Variants in ZBTB20 observed in about 807,000 individuals in gnomAD.
ZBTB20 encodes zinc finger and BTB domain-containing protein 20.
A neutral mutation model predicts 56.9 loss-of-function variants in ZBTB20; 9 were observed. The observed-to-expected ratio is 0.16, with a 90% CI of 0.10 to 0.28. The LOEUF (loss-of-function observed/expected upper bound fraction) is 0.28. Among genes scored for constraint, ZBTB20 ranks in the 10% least tolerant of loss-of-function variants. The pLI is 1.00. For missense variants in ZBTB20, 655 were observed against 1,003.0 expected (o/e 0.65, Z 4.69); for synonymous variants, 417 against 420.7 (o/e 0.99, Z 0.11).
At position 114,515,706 on chromosome 3, in the gene ZBTB20, C is replaced by T. The variant is rs542470670; in HGVS notation, c.-294-15315G>A. Among the ~76,000 whole-genome samples, 5 of 152,220 alleles carry T rather than the reference C, an allele frequency of 3.3e-5. No homozygotes were observed. The South Asian group carries it at 6.2e-4, about 19-fold the overall frequency. ...ACTCCACCTTTGCCACCAATGAATC[C>T]GCCTGTAACATTTCAGAGATCTTTC... is the stretch of plus-strand genomic sequence containing the variant. On this transcript the variant is annotated intron_variant, in intron 6 of 11. Coordinates refer to ENST00000675478, the MANE Select transcript of ZBTB20 (RefSeq NM_001348800.3).
At chr3:115,116,447 A>T (rs1041945458) in intron 1 of ZBTB20, among the ~76,000 whole-genome samples, 12 of 152,044 alleles carry the variant, frequency 7.9e-5, no homozygotes, top group African/African-American at 2.9e-4. Context: ...CTCAGATTTT[A>T]AAAATATTTA....
chr3:114,365,818 T>C (rs1160786709), intron 10 of ZBTB20, among the ~76,000 whole-genome samples: 1 of 152,200 alleles, frequency 6.6e-6, no homozygotes, highest in Non-Finnish European at 1.5e-5. Context: ...ATATTGCTAT[T>C]AGAATTAAAA....
chr3:114,666,071 C>T (rs1000360071), intron 6 of ZBTB20, among the ~76,000 whole-genome samples: 5 of 151,934 alleles, frequency 3.3e-5, no homozygotes, highest in Non-Finnish European at 5.9e-5. Context: ...CTCTGATTTT[C>T]GCTGGGGGTT....
intron 6 of ZBTB20, among the ~76,000 whole-genome samples, chr3:114,650,437 T>A (rs2060070072): frequency 6.7e-6 from 1 of 148,788 alleles, no homozygotes; most frequent in African/African-American, 2.6e-5. Flanking sequence ...ATCCCTAGAT[T>A]AAGAAATATT....
At chr3:114,777,773 C>G (rs2069717724) in intron 5 of ZBTB20, among the ~76,000 whole-genome samples, 1 of 152,052 alleles carries the variant, frequency 6.6e-6, no homozygotes, top group Admixed American at 6.5e-5. Flanking sequence ...ATAAATCATG[C>G]TGCTATAAAG....
chr3:114,480,893 T>C (rs1442263747), intron 7 of ZBTB20, among the ~76,000 whole-genome samples: 1 of 151,888 alleles, frequency 6.6e-6, no homozygotes, highest in African/African-American at 2.4e-5. Flanking sequence ...TTTCAAACAA[T>C]GGAAAGAACA....
intron 6 of ZBTB20, among the ~76,000 whole-genome samples, chr3:114,530,054 A>G (rs2047667772): frequency 6.6e-6 from 1 of 152,228 alleles, no homozygotes; most frequent in Admixed American, 6.5e-5. Flanking sequence ...ATGCCTAGTG[A>G]TGTCATAGTG....
chr3:114,908,428 G>A (rs2075400368), intron 3 of ZBTB20, among the ~76,000 whole-genome samples: 1 of 151,924 alleles, frequency 6.6e-6, no homozygotes, highest in Non-Finnish European at 1.5e-5. Context: ...AGAAATTTAG[G>A]GGTACAAATA....
At chr3:114,904,092 A>G (rs1209497405) in intron 3 of ZBTB20, among the ~76,000 whole-genome samples, 1 of 152,048 alleles carries the variant, frequency 6.6e-6, no homozygotes, top group East Asian at 1.9e-4. Flanking sequence ...TATTAGCACC[A>G]TTCCAGATGC....
Position 114,326,954 on chromosome 3 carries a change from T to C in ZBTB20, c.*12051A>G, listed in dbSNP as rs1274436363. 6.6e-6 allele frequency: 1 copy of C among 152,118 alleles called. No individual in the cohort carries two copies. The highest frequency in any genetic ancestry group is 2.4e-5 in the African/African-American group (1 of 41,422). 9.4% of individuals were successfully genotyped at this position (152,118 alleles called of 1,614,324 possible). A position where few individuals can be genotyped will look rare whatever the true frequency, so the allele number is the denominator to read the frequency against. On this transcript the variant is annotated 3_prime_UTR_variant, in exon 12 of 12. Coordinates refer to ENST00000675478, the MANE Select transcript of ZBTB20 (RefSeq NM_001348800.3). Reference sequence around the variant, plus strand: ...GACTTTCTGAAATGCATTGTATGTGTGTGTGTTGCAGAGGGAGAGGGGAGC... The same window carrying C: ...GACTTTCTGAAATGCATTGTATGTGCGTGTGTTGCAGAGGGAGAGGGGAGC...
At chr3:114,537,217 GA>G (rs2048569217) in intron 6 of ZBTB20, among the ~76,000 whole-genome samples, 1 of 152,104 alleles carries the variant, frequency 6.6e-6, no homozygotes, top group Non-Finnish European at 1.5e-5. Context: ...CAGAATGGGA[GA>G]ACATTTTTGC....
intron 7 of ZBTB20, among the ~76,000 whole-genome samples, chr3:114,437,867 A>G (rs1174692106): frequency 3.9e-5 from 6 of 151,976 alleles, no homozygotes; most frequent in African/African-American, 1.4e-4. Context: ...GGAGGCCTAC[A>G]TTTTCTGGAT....
At chr3:114,825,854 C>T (rs1246199485) in intron 4 of ZBTB20, among the ~76,000 whole-genome samples, 1 of 151,700 alleles carries the variant, frequency 6.6e-6, no homozygotes, top group Non-Finnish European at 1.5e-5. Flanking sequence ...TTAAACTTGG[C>T]CAGTTTTCTT....
At chr3:114,879,797 T>G (rs1319441512) in intron 4 of ZBTB20, among the ~76,000 whole-genome samples, 1 of 152,114 alleles carries the variant, frequency 6.6e-6, no homozygotes, top group Non-Finnish European at 1.5e-5. Context: ...CTAAAGCACC[T>G]CTTAATACCA....
intron 2 of ZBTB20, among the ~76,000 whole-genome samples, chr3:115,002,842 C>G (rs2108221186): frequency 1.3e-5 from 2 of 151,708 alleles, no homozygotes; most frequent in South Asian, 4.1e-4. Flanking sequence ...TTATGTTCCA[C>G]AAAATCCTAC....
intron 4 of ZBTB20, among the ~76,000 whole-genome samples, chr3:114,876,912 A>C (rs1170174495): frequency 6.6e-6 from 1 of 152,188 alleles, no homozygotes; most frequent in Non-Finnish European, 1.5e-5. Flanking sequence ...ACAGTGTACT[A>C]TTTATTAAAT....
chr3:114,996,282 T>C (rs570695353), intron 2 of ZBTB20, among the ~76,000 whole-genome samples: 2 of 152,008 alleles, frequency 1.3e-5, no homozygotes, highest in South Asian at 4.1e-4. Flanking sequence ...TAGGTATACA[T>C]ATGCCATGGT....
chr3:114,656,685 T>G (rs1267847174), intron 6 of ZBTB20, among the ~76,000 whole-genome samples: 1 of 152,200 alleles, frequency 6.6e-6, no homozygotes, highest in Non-Finnish European at 1.5e-5. Flanking sequence ...TTTTTACTTA[T>G]TTTTGAAAAT....
intron 6 of ZBTB20, chr3:114,687,666 T>G (rs967205520): frequency 2.0e-5 from 3 of 151,524 alleles, no homozygotes; most frequent in Admixed American, 2.0e-4. Flanking sequence ...GTCACATAGT[T>G]TGTTGAAATA....
Sources: allele counts gnomAD v4.1 joint callset (sites outside exome capture counted in the v4.1 genomes callset), GRCh38; gene constraint gnomAD v4.1.1; transcripts MANE v1.5; gene names NCBI Gene and HGNC (gene_info 2026-07-23, HGNC 2026-07-21).